Variants in CELF2 observed in about 807,000 individuals in gnomAD.
CELF2 encodes the protein CUGBP Elav-like family member 2, also known as CUG triplet repeat RNA-binding protein 2.
A neutral mutation model predicts 62.6 loss-of-function variants in CELF2; 8 were observed. The observed-to-expected ratio is 0.13, with a 90% CI of 0.07 to 0.23. The LOEUF (loss-of-function observed/expected upper bound fraction) is 0.23. Among genes scored for constraint, CELF2 ranks in the 10% least tolerant of loss-of-function variants. CELF2 has a pLI of 1.00. For synonymous variants in CELF2, 258 were observed against 250.0 expected (o/e 1.03, Z -0.30); for missense variants, 333 against 671.0 (o/e 0.50, Z 5.56).
At chr10:11,030,974 G>A (rs763729187) in intron 1 of CELF2, 1 of 152,196 alleles carries the variant, frequency 6.6e-6, no homozygotes, top group Non-Finnish European at 1.5e-5. Context: ...TGCTAAGGTG[G>A]ACACTTATTC....
intron 1 of CELF2, among the ~76,000 whole-genome samples, chr10:10,878,872 G>A (rs1377151967): frequency 6.6e-6 from 1 of 152,182 alleles, no homozygotes; most frequent in East Asian, 1.9e-4. Flanking sequence ...ATCAGGGCCA[G>A]GGGAAATGAA....
chr10:11,261,232 C>T (rs1040773112), intron 5 of CELF2, among the ~76,000 whole-genome samples: 9 of 152,152 alleles, frequency 5.9e-5, no homozygotes, highest in Non-Finnish European at 1.2e-4. Flanking sequence ...CTAGCTGGCT[C>T]CTGCGGATTT....
At chr10:10,674,826 G>A in the CELF2 span, among the ~76,000 whole-genome samples, 1 of 152,014 alleles carries the variant, frequency 6.6e-6, no homozygotes, top group East Asian at 1.9e-4. Context: ...TTGTGTGAGT[G>A]TGCCACTTGT....
the CELF2 span, among the ~76,000 whole-genome samples, chr10:10,523,671 C>T: frequency 2.0e-5 from 3 of 152,270 alleles, no homozygotes; most frequent in East Asian, 5.8e-4. Flanking sequence ...TCACTCTTTC[C>T]CTTAATAAAC....
chr10:10,693,632 G>A, the CELF2 span, among the ~76,000 whole-genome samples: 913 of 151,132 alleles, frequency 6.0e-3, 3 homozygotes, highest in Non-Finnish European at 8.2e-3. Flanking sequence ...CTGTGAATCC[G>A]TCTGGTCCTG....
At chr10:10,583,537 A>G in the CELF2 span, among the ~76,000 whole-genome samples, 1 of 152,142 alleles carries the variant, frequency 6.6e-6, no homozygotes, top group Non-Finnish European at 1.5e-5. Context: ...TGCTGCCTGT[A>G]TTTTGCTCTA....
At chr10:10,489,196 C>T in the CELF2 span, among the ~76,000 whole-genome samples, 1 of 152,062 alleles carries the variant, frequency 6.6e-6, no homozygotes, top group African/African-American at 2.4e-5. Context: ...GAACTTAATA[C>T]TGAAGGATAA....
chr10:11,104,615 G>A (rs565155408), intron 1 of CELF2, among the ~76,000 whole-genome samples: 9 of 151,842 alleles, frequency 5.9e-5, no homozygotes, highest in African/African-American at 1.5e-4. Flanking sequence ...CCAGGAGGCC[G>A]ATACTGCCCT....
intron 2 of CELF2, among the ~76,000 whole-genome samples, chr10:11,173,384 C>T (rs1311065405): frequency 2.0e-5 from 3 of 152,196 alleles, no homozygotes; most frequent in Non-Finnish European, 4.4e-5. Flanking sequence ...ATCAGGCATT[C>T]GGGTTGAAAG....
chr10:10,878,767 G>A (rs921390969), intron 1 of CELF2, among the ~76,000 whole-genome samples: 2 of 152,162 alleles, frequency 1.3e-5, no homozygotes, highest in African/African-American at 4.8e-5. Context: ...ACGAAAACAT[G>A]ATTTTCTTTG....
chr10:10,567,735 A>G, the CELF2 span, among the ~76,000 whole-genome samples: 2 of 152,162 alleles, frequency 1.3e-5, no homozygotes, highest in Non-Finnish European at 2.9e-5. Context: ...CTCCCCAGGA[A>G]GGGGCCATGA....
intron 1 of CELF2, among the ~76,000 whole-genome samples, chr10:10,800,868 T>C (rs531114043): frequency 1.3e-5 from 2 of 152,340 alleles, no homozygotes; most frequent in South Asian, 4.1e-4. Flanking sequence ...TTTTTTAAAC[T>C]GGATTACTAA....
chr10:11,323,234 C>T (rs1469892515), intron 11 of CELF2, among the ~76,000 whole-genome samples: 5 of 151,838 alleles, frequency 3.3e-5, no homozygotes, highest in Admixed American at 6.6e-5. Context: ...TTTAAGAGTG[C>T]GGGTTTTCAG....
At chr10:10,784,074 A>G in the CELF2 span, among the ~76,000 whole-genome samples, 2 of 152,154 alleles carry the variant, frequency 1.3e-5, no homozygotes, top group Non-Finnish European at 2.9e-5. Flanking sequence ...TGAGGTTTAG[A>G]TGGCTCCAGA....
upstream of CELF2, chr10:11,004,981 T>G: frequency 1.1e-6 from 1 of 910,724 alleles, no homozygotes; most frequent in Non-Finnish European, 1.3e-6. This position sits in a 1 kb window ranked among gnomAD's most constrained non-coding sequence, Gnocchi z 5.0. Flanking sequence ...GTTTTGCTAT[T>G]AAGTGTGTAA....
intron 1 of CELF2, among the ~76,000 whole-genome samples, chr10:10,863,808 C>G (rs775171216): frequency 2.0e-5 from 3 of 152,154 alleles, no homozygotes; most frequent in East Asian, 1.9e-4. Context: ...AAAAACAGAA[C>G]TTACCCTCTG....
At chr10:11,271,042 C>G (rs778638393) in intron 7 of CELF2, among the ~76,000 whole-genome samples, 1 of 152,210 alleles carries the variant, frequency 6.6e-6, no homozygotes, top group African/African-American at 2.4e-5. Flanking sequence ...CAAAGTCCCA[C>G]AGGTTAAACT....
chr10:10,635,060 A>G, the CELF2 span, among the ~76,000 whole-genome samples: 1 of 152,110 alleles, frequency 6.6e-6, no homozygotes, highest in South Asian at 2.1e-4. Context: ...AAATCCCACA[A>G]GTGCTATGCA....
At chr10:10,618,926 A>G in the CELF2 span, among the ~76,000 whole-genome samples, 1 of 152,266 alleles carries the variant, frequency 6.6e-6, no homozygotes, top group South Asian at 2.1e-4. Context: ...ATGAGAGATT[A>G]GTTGAACCAG....
Sources: allele counts gnomAD v4.1 joint callset (sites outside exome capture counted in the v4.1 genomes callset), GRCh38; gene constraint gnomAD v4.1.1; non-coding constraint Gnocchi (gnomAD v3.1); transcripts MANE v1.5; gene names NCBI Gene and HGNC (gene_info 2026-07-23, HGNC 2026-07-21).